Variants in ZNF292 observed in about 807,000 individuals in gnomAD.
The protein encoded by ZNF292 is 16 zinc-finger domain protein.
ZNF292 carries 26 observed loss-of-function variants against 217.9 expected under a neutral mutation model. That is an observed-to-expected ratio of 0.12 (90% CI 0.09 to 0.17). The LOEUF is 0.17. ZNF292 is among the 10% of genes least tolerant of loss of function. The pLI is 1.00. For synonymous variants in ZNF292, 1,257 were observed against 1,124.1 expected, an observed-to-expected ratio of 1.12 and a Z score of -2.37; for missense variants, 2,904 against 3,175.2, an observed-to-expected ratio of 0.91 and a Z score of 2.05.
At position 87,255,572 on chromosome 6, in the gene ZNF292, T is replaced by C; in HGVS notation, c.1943T>C (p.Phe648Ser). ...NSLYSTDFIV[F>S]NDNDGSDDEN... ...CTCTATTCAACAGATTTTATAGTGTTTAATGACAATGATGGTTCAGATGAT... is the reference window on the plus strand; with the variant it reads ...CTCTATTCAACAGATTTTATAGTGTCTAATGACAATGATGGTTCAGATGAT... The change falls in exon 8 of 8, where the codon TTT becomes TCT. Residue 648 changes from phenylalanine (F) to serine (S), a missense_variant. Phe to Ser is a radical substitution (Grantham distance 155). Around this residue, in one of 15 missense-constraint regions of ZNF292, gnomAD observed 216 missense variants for 308.3 expected, o/e 0.70. Transcript: ENST00000369577. 1 of 1,610,726 alleles carries C rather than the reference T, an allele frequency of 6.2e-7. No individual in the cohort carries two copies. The highest frequency in any genetic ancestry group is 2.2e-5 in the East Asian group (1 of 44,828).
intron 1 of ZNF292, among the ~76,000 whole-genome samples, chr6:87,188,041 A>G (rs1200653018): frequency 2.0e-5 from 3 of 152,308 alleles, no homozygotes; most frequent in East Asian, 1.9e-4. Context: ...ATTTTGAAAT[A>G]TTGGCAATTA....
At chr6:87,235,652 T>A in intron 5 of ZNF292, among the ~76,000 whole-genome samples, 1 of 152,182 alleles carries the variant, frequency 6.6e-6, no homozygotes, top group Non-Finnish European at 1.5e-5. Flanking sequence ...GGTTTAATTA[T>A]CCAGAGTTGA....
intron 1 of ZNF292, among the ~76,000 whole-genome samples, chr6:87,192,145 A>G (rs538581261): frequency 1.2e-4 from 18 of 152,234 alleles, no homozygotes; most frequent in Non-Finnish European, 2.5e-4. Flanking sequence ...AAAAGGCAAA[A>G]CAACAGACCG....
Position 87,245,652 on chromosome 6 carries a change from T to C in ZNF292, c.1020+8T>C, listed in dbSNP as rs373629237. 2.8e-6 allele frequency: 4 copies of C among 1,425,282 alleles called. No individual in the cohort carries two copies. Among genetic ancestry groups the C allele is most frequent in the Non-Finnish European group, 3.8e-6 (4 of 1,044,522 alleles). The allele number at this position is 1,425,282 out of a possible 1,614,324, so 88.3% of individuals were successfully genotyped here. On this transcript the variant is annotated splice_region_variant and intron_variant, in intron 7 of 7. Coordinates refer to ENST00000369577, the MANE Select transcript of ZNF292 (RefSeq NM_015021.3). ...AAAGTTATTAATTCAGAGGTAAGAA[T>C]AATCAGAATATTTTTAAGGTTAAAA...
At chr6:87,170,236 A>G (rs1771057235) in intron 1 of ZNF292, 1 of 152,218 alleles carries the variant, frequency 6.6e-6, no homozygotes, top group Non-Finnish European at 1.5e-5. Flanking sequence ...TTATTCCATG[A>G]CTTAACCTAT....
intron 4 of ZNF292, among the ~76,000 whole-genome samples, chr6:87,227,677 A>C (rs779836466): frequency 2.0e-5 from 3 of 152,140 alleles, no homozygotes; most frequent in Non-Finnish European, 4.4e-5. Context: ...CCTTATATAA[A>C]CAGTATCATA....
intron 4 of ZNF292, among the ~76,000 whole-genome samples, chr6:87,226,658 T>G (rs1050416952): frequency 1.0e-5 from 1 of 98,356 alleles, no homozygotes; most frequent in Non-Finnish European, 1.9e-5. Context: ...TATATATATA[T>G]AGATATATAG....
intron 1 of ZNF292, among the ~76,000 whole-genome samples, chr6:87,166,364 C>A (rs754498849): frequency 6.6e-6 from 1 of 152,098 alleles, no homozygotes; most frequent in Non-Finnish European, 1.5e-5. Flanking sequence ...TATGAGCTCC[C>A]CCACAATCTG....
intron 4 of ZNF292, among the ~76,000 whole-genome samples, chr6:87,222,091 C>T (rs942980681): frequency 2.6e-5 from 4 of 151,764 alleles, no homozygotes; most frequent in African/African-American, 9.7e-5. Flanking sequence ...GTAATTTTAC[C>T]ATATTAGATC....
At chr6:87,187,883 A>T (rs572940712) in intron 1 of ZNF292, among the ~76,000 whole-genome samples, 1 of 152,134 alleles carries the variant, frequency 6.6e-6, no homozygotes, top group Non-Finnish European at 1.5e-5. Context: ...TAGAGAAAGG[A>T]CAGTGGGGAA....
intron 1 of ZNF292, among the ~76,000 whole-genome samples, chr6:87,184,824 T>C (rs1350403100): frequency 6.6e-6 from 1 of 152,184 alleles, no homozygotes; most frequent in Non-Finnish European, 1.5e-5. Context: ...GGCTGCTTAG[T>C]GTAAGTCCTG....
chr6:87,175,722 C>G (rs1771265670), intron 1 of ZNF292, among the ~76,000 whole-genome samples: 1 of 152,180 alleles, frequency 6.6e-6, no homozygotes, highest in African/African-American at 2.4e-5. Context: ...AGTTCAAAGA[C>G]TATTCATGTG....
chr6:87,161,734 G>GTTTGT (rs937894563), intron 1 of ZNF292, among the ~76,000 whole-genome samples: 18 of 151,914 alleles, frequency 1.2e-4, no homozygotes, highest in African/African-American at 4.1e-4. Context: ...CTTTTTTGTT[G>GTTTGT]TTTGTTTTGT....
chr6:87,158,129 CA>C (rs532438167), intron 1 of ZNF292, among the ~76,000 whole-genome samples: 1 of 152,074 alleles, frequency 6.6e-6, no homozygotes, highest in African/African-American at 2.4e-5. Flanking sequence ...ATGCTACTGA[CA>C]AAAAAACATC....
Position 87,255,812 on chromosome 6 carries a change from G to C in ZNF292, c.2183G>C (p.Arg728Thr). ...QSKKVICQYC[R>T]RHFVSVTHLN... is the part of the protein sequence containing the mutation. ...AAAAAAGTTATTTGCCAGTACTGTA[G>C]GCGGCATTTTGTGAGTGTTACTCAT... is the stretch of plus-strand genomic sequence containing the variant. The change falls in exon 8 of 8, where the codon AGG becomes ACG. Residue 728 changes from arginine (R) to threonine (T), a missense_variant. By Grantham distance (71) the Arg-to-Thr change is moderately conservative. Transcript: ENST00000369577. The C allele has an allele frequency of 6.2e-7, 1 of 1,613,810 alleles. No individual in the cohort carries two copies. The highest frequency in any genetic ancestry group is 8.5e-7 in the Non-Finnish European group (1 of 1,179,832).
chr6:87,163,805 C>G (rs923446673), intron 1 of ZNF292, among the ~76,000 whole-genome samples: 11 of 152,094 alleles, frequency 7.2e-5, no homozygotes, highest in African/African-American at 2.2e-4. Flanking sequence ...AATAAAAGCT[C>G]AGATAAATGG....
Position 87,256,474 on chromosome 6 carries a change from G to T in ZNF292, c.2845G>T (p.Asp949Tyr). 6.2e-7 allele frequency: 1 copy of T among 1,609,760 alleles called. No individual in the cohort carries two copies. Among genetic ancestry groups the T allele is most frequent in the Non-Finnish European group, 8.5e-7 (1 of 1,179,806 alleles). The change falls in exon 8 of 8, where the codon GAT (aspartate) becomes TAT (tyrosine). Residue 949 changes from aspartate to tyrosine, a missense_variant. Asp to Tyr is a radical substitution (Grantham distance 160). Transcript: ENST00000369577. ...IKVSLNQGIE[D>Y]NFGKQENSTV... ...GGTGTCTCTCAATCAGGGGATTGAG[G>T]ATAACTTTGGAAAGCAAGAAAACTC...
intron 4 of ZNF292, among the ~76,000 whole-genome samples, chr6:87,231,844 C>T (rs1773673564): frequency 6.6e-6 from 1 of 152,008 alleles, no homozygotes; most frequent in Non-Finnish European, 1.5e-5. Context: ...CTAGAGTTTC[C>T]TTTGGAGAAA....
intron 1 of ZNF292, among the ~76,000 whole-genome samples, chr6:87,188,209 C>T (rs1009701180): frequency 3.9e-5 from 6 of 152,080 alleles, no homozygotes; most frequent in Non-Finnish European, 7.4e-5. Context: ...TTAATTCTAC[C>T]GTGGTCTCTG....
Sources: gnomAD v4.1 joint callset for allele counts (sites outside exome capture counted in the v4.1 genomes callset) on GRCh38, gnomAD v4.1.1 for gene constraint, gnomAD v4.1.1 regional missense constraint, MANE v1.5 for transcripts, NCBI Gene and HGNC (gene_info 2026-07-23, HGNC 2026-07-21) for gene names.